Variants in SERP2 observed in about 807,000 individuals in gnomAD.
SERP2 encodes the protein stress associated endoplasmic reticulum protein family member 2.
A neutral mutation model predicts 9.1 loss-of-function variants in SERP2; 6 were observed. The observed-to-expected ratio is 0.66, with a 90% confidence interval of 0.36 to 1.30. The LOEUF is 1.30. Among genes scored for constraint, SERP2 ranks in the 50% most tolerant of loss-of-function variants. The pLI is 0.03. For missense variants in SERP2, 58 were observed against 81.9 expected (o/e 0.71, Z 1.13); for synonymous variants, 37 against 27.3 (o/e 1.35, Z -1.10).
chr13:44,388,435 C>T (rs59664810), intron 2 of SERP2, among the ~76,000 whole-genome samples: 1,918 of 152,286 alleles, frequency 0.013, 41 homozygotes, highest in African/African-American at 0.041. Flanking sequence ...ACTTTCTCAT[C>T]GCCAGAGGGG....
At chr13:44,381,260 A>G (rs1407070148) in intron 2 of SERP2, among the ~76,000 whole-genome samples, 3 of 147,994 alleles carry the variant, frequency 2.0e-5, no homozygotes, top group African/African-American at 7.6e-5. Context: ...AAAAAAAAAA[A>G]GCCAGGCGCA....
At chr13:44,395,996 C>T (rs1424419588) in intron 2 of SERP2, 5 of 307,922 alleles carry the variant, frequency 1.6e-5, no homozygotes, top group Non-Finnish European at 2.0e-5. Flanking sequence ...CACAGCACGT[C>T]TCATCAGTTA....
Position 44,379,625 on chromosome 13 carries a change from T to C in SERP2, c.85-16T>C, listed in dbSNP as rs953449026. ...AGTCAATGAACCTAATCTTACTTTTTCCCATTCCCTTTTAGAGGCCGCAAG... is the reference window on the plus strand; with the variant it reads ...AGTCAATGAACCTAATCTTACTTTTCCCCATTCCCTTTTAGAGGCCGCAAG... On this transcript the variant is annotated splice_polypyrimidine_tract_variant and intron_variant, in intron 1 of 2. Coordinates refer to ENST00000379179, the MANE Select transcript of SERP2 (RefSeq NM_001010897.3). 7 of 1,600,154 alleles carry C rather than the reference T, an allele frequency of 4.4e-6. No individual in the cohort carries two copies. The highest frequency in any genetic ancestry group is 3.4e-6 in the Non-Finnish European group (4 of 1,169,652).
intron 2 of SERP2, among the ~76,000 whole-genome samples, chr13:44,383,095 T>C (rs1872095783): frequency 6.6e-6 from 1 of 152,128 alleles, no homozygotes; most frequent in African/African-American, 2.4e-5. Context: ...CTTCAGAGAA[T>C]GTGCTGGGCT....
At chr13:44,388,095 G>GA (rs945506544) in intron 2 of SERP2, among the ~76,000 whole-genome samples, 10 of 150,142 alleles carry the variant, frequency 6.7e-5, no homozygotes, top group Non-Finnish European at 1.2e-4. Flanking sequence ...TTTATAAGCA[G>GA]AAAAAAATGT....
At chr13:44,375,753 A>G (rs1871612918) in intron 1 of SERP2, among the ~76,000 whole-genome samples, 1 of 152,224 alleles carries the variant, frequency 6.6e-6, no homozygotes, top group Admixed American at 6.5e-5. Context: ...TAAGAAGAAA[A>G]CAAGAACTAA....
chr13:44,384,447 A>C (rs79206516), intron 2 of SERP2, among the ~76,000 whole-genome samples: 2,747 of 152,130 alleles, frequency 0.018, 81 homozygotes, highest in African/African-American at 0.044. Flanking sequence ...GGATTGTTGA[A>C]GCTCTCATCG....
At chr13:44,375,089 A>G (rs1871572600) in intron 1 of SERP2, among the ~76,000 whole-genome samples, 1 of 152,204 alleles carries the variant, frequency 6.6e-6, no homozygotes, top group African/African-American at 2.4e-5. Flanking sequence ...GTCTCCAAGT[A>G]TATGAGCAAA....
chr13:44,382,891 A>C (rs574923915), intron 2 of SERP2, among the ~76,000 whole-genome samples: 2 of 152,242 alleles, frequency 1.3e-5, no homozygotes, highest in Non-Finnish European at 2.9e-5. Flanking sequence ...GGGAAAGCGC[A>C]CTGCGATAGT....
chr13:44,395,566 T>C (rs1192963859), intron 2 of SERP2, among the ~76,000 whole-genome samples: 1 of 136,650 alleles, frequency 7.3e-6, no homozygotes, highest in Non-Finnish European at 1.5e-5. Flanking sequence ...ATCGCACCAC[T>C]GCACTCCAAC....
chr13:44,390,347 A>G (rs2138794011), intron 2 of SERP2: 2 of 414,982 alleles, frequency 4.8e-6, no homozygotes, highest in East Asian at 8.1e-5. Context: ...TGAATTCGCC[A>G]TATTTGCAGG....
In SERP2 at chr13:44,392,196, C is replaced by CAA. The variant is rs760513486; in HGVS notation, c.158-5060_158-5059dup. ...CTGGTGACAGAGTGAGACTCTGTCT[C>CAA]AAAAAAAAAAAAAAAAAGCCCTGTG... On this transcript the variant is annotated intron_variant, in intron 2 of 2. Transcript: ENST00000379179. Among the ~76,000 whole-genome samples, 19 of 35,988 alleles carry CAA rather than the reference C, an allele frequency of 5.3e-4. 2 individuals are homozygous for CAA. The highest frequency in any genetic ancestry group is 1.9e-3 in the African/African-American group (15 of 7,872). 23.6% of individuals were successfully genotyped at this position (35,988 alleles called of 152,430 possible). A position where few individuals can be genotyped will look rare whatever the true frequency, so the allele number is the denominator to read the frequency against.
At chr13:44,394,348 C>G (rs145223170) in intron 2 of SERP2, among the ~76,000 whole-genome samples, 1 of 152,176 alleles carries the variant, frequency 6.6e-6, no homozygotes, top group African/African-American at 2.4e-5. Context: ...TGGTCTCAAT[C>G]TCTTGACCTC....
chr13:44,375,118 C>A (rs1035102308), intron 1 of SERP2, among the ~76,000 whole-genome samples: 1 of 152,094 alleles, frequency 6.6e-6, no homozygotes, highest in African/African-American at 2.4e-5. Flanking sequence ...GGATCTGTTA[C>A]CCCGTACAGT....
chr13:44,397,633 G>A lies in SERP2; in HGVS notation c.*321G>A. The A allele has an allele frequency of 2.5e-6, 1 of 401,748 alleles. No homozygotes were observed. Among genetic ancestry groups the A allele is most frequent in the Admixed American group, 4.0e-5 (1 of 25,072 alleles). 24.9% of individuals were successfully genotyped at this position (401,748 alleles called of 1,614,324 possible). A position where few individuals can be genotyped will look rare whatever the true frequency, so the allele number is the denominator to read the frequency against. On this transcript the variant is annotated 3_prime_UTR_variant, in exon 3 of 3. Coordinates refer to ENST00000379179, the MANE Select transcript of SERP2 (RefSeq NM_001010897.3). ...AATGCGTGCATGTGGCCCTCTGAAC[G>A]ATCACTGGTTTACTTTCTATGGATA...
At chr13:44,389,865 T>C (rs1442301642) in intron 2 of SERP2, among the ~76,000 whole-genome samples, 2 of 152,088 alleles carry the variant, frequency 1.3e-5, no homozygotes, top group Non-Finnish European at 2.9e-5. Flanking sequence ...CTACTTGTAA[T>C]GCCAGGCTCT....
intron 1 of SERP2, among the ~76,000 whole-genome samples, chr13:44,374,945 G>A (rs1272447002): frequency 6.6e-6 from 1 of 152,102 alleles, no homozygotes; most frequent in Non-Finnish European, 1.5e-5. Context: ...TTTGCAACTG[G>A]ACTTTTAAGT....
chr13:44,388,324 G>A (rs531709697), intron 2 of SERP2, among the ~76,000 whole-genome samples: 6 of 127,014 alleles, frequency 4.7e-5, no homozygotes, highest in Admixed American at 2.6e-4. Flanking sequence ...GAATGTGTAT[G>A]TGTTAGTGTG....
At chr13:44,378,785 C>T (rs1871805300) in intron 1 of SERP2, among the ~76,000 whole-genome samples, 1 of 152,114 alleles carries the variant, frequency 6.6e-6, no homozygotes, top group Non-Finnish European at 1.5e-5. Flanking sequence ...CCTACCTGCA[C>T]ATAGACCTGG....
Sources: allele counts gnomAD v4.1 joint callset (sites outside exome capture counted in the v4.1 genomes callset), GRCh38; gene constraint gnomAD v4.1.1; transcripts MANE v1.5; gene names NCBI Gene and HGNC (gene_info 2026-07-23, HGNC 2026-07-21).